TRPM3: variants seen among roughly 807,000 people sequenced by gnomAD.
TRPM3 encodes the protein transient receptor potential cation channel subfamily M member 3.
Under a neutral mutation model 181.2 loss-of-function variants are expected in TRPM3, and 77 were observed. The observed-to-expected ratio is 0.42, with a 90% confidence interval of 0.35 to 0.51. The LOEUF (loss-of-function observed/expected upper bound fraction) is 0.51, where lower values mean the gene tolerates loss of function less well. TRPM3 is among the 20% of genes least tolerant of loss of function. TRPM3 has a pLI of 0.01. For missense variants in TRPM3, 1,759 were observed against 2,196.7 expected (o/e 0.80, Z 3.98); for synonymous variants, 745 against 796.4 (o/e 0.94, Z 1.09).
chr9:71,189,811 C>G (rs1023837118), intron 1 of TRPM3, among the ~76,000 whole-genome samples: 2 of 151,838 alleles, frequency 1.3e-5, no homozygotes, highest in African/African-American at 4.8e-5. Flanking sequence ...ATTTGTGTAT[C>G]TGTCCCCATC....
chr9:71,124,566 CT>C (rs1262452623), upstream of TRPM3, among the ~76,000 whole-genome samples: 7 of 152,168 alleles, frequency 4.6e-5, no homozygotes. Flanking sequence ...GAAAAGCCCA[CT>C]TTCCACTGAT....
chr9:71,421,011 G>GAGAGAGAAAAAGAGAGAAAA lies in TRPM3; in HGVS notation c.183+25641_183+25642insTTTTCTCTCTTTTTCTCTCT, dbSNP rs1563912818. Among the ~76,000 whole-genome samples the GAGAGAGAAAAAGAGAGAAAA allele has an allele frequency of 6.8e-4, 80 of 118,316 alleles. 1 individual carries two copies. The highest frequency in any genetic ancestry group is 2.4e-3 in the African/African-American group (79 of 33,136). The allele number at this position is 118,316 out of a possible 152,430, so 77.6% of individuals were successfully genotyped here. A position where few individuals can be genotyped will look rare whatever the true frequency, so the allele number is the denominator to read the frequency against. ...AAAGAGAGAGAAAAAGAGAGAAAAA[G>GAGAGAGAAAAAGAGAGAAAA]AGAGAAAAAGAGAGAAAAAGAAAAA... On this transcript the variant is annotated intron_variant, in intron 1 of 24. Coordinates refer to the TRPM3 transcript ENST00000357533.
rs146988268 is a variant in TRPM3, at chr9:70,921,098, A to G, written c.178-56587T>C. Among the ~76,000 whole-genome samples the G allele has an allele frequency of 2.5e-3, 382 of 152,298 alleles. 1 individual carries two copies. The highest frequency in any genetic ancestry group is 8.9e-3 in the African/African-American group (370 of 41,568). On this transcript the variant is annotated intron_variant, in intron 1 of 25. Transcript: ENST00000677713. ...TTTTGGTTAACAAGCAGATTCATTT[A>G]TCTCATGCTCACGTCCTCTTCATTC...
chr9:70,883,327 G>C (rs1169709703), intron 1 of TRPM3, among the ~76,000 whole-genome samples: 1 of 152,126 alleles, frequency 6.6e-6, no homozygotes, highest in Admixed American at 6.5e-5. Flanking sequence ...TCTGAAATTT[G>C]AACTTAGAAA....
At chr9:71,094,464 T>G (rs2066766729) in intron 1 of TRPM3, among the ~76,000 whole-genome samples, 1 of 152,274 alleles carries the variant, frequency 6.6e-6, no homozygotes, top group African/African-American at 2.4e-5. Context: ...TTCTCTCGAC[T>G]GCTTCTCTAC....
At chr9:71,159,290 T>C (rs1361906313) in intron 1 of TRPM3, among the ~76,000 whole-genome samples, 2 of 151,976 alleles carry the variant, frequency 1.3e-5, no homozygotes, top group Admixed American at 6.6e-5. Context: ...CAGTGTAGTA[T>C]AAACAGTATT....
intron 22 of TRPM3, among the ~76,000 whole-genome samples, chr9:70,587,698 C>T (rs1254379081): frequency 2.6e-5 from 4 of 152,178 alleles, no homozygotes; most frequent in African/African-American, 9.7e-5. Context: ...TGAGACTACC[C>T]AAAAGGGTGT....
At chr9:71,393,592 T>G (rs2093117035) in intron 1 of TRPM3, among the ~76,000 whole-genome samples, 1 of 152,202 alleles carries the variant, frequency 6.6e-6, no homozygotes, top group South Asian at 2.1e-4. Flanking sequence ...CAGTCGTGTC[T>G]GCAAAGAGAC....
chr9:70,564,762 C>T (rs560659974), intron 22 of TRPM3, among the ~76,000 whole-genome samples: 2 of 152,238 alleles, frequency 1.3e-5, no homozygotes, highest in South Asian at 4.1e-4. Flanking sequence ...CTTGTCGACT[C>T]CCATTGCATT....
chr9:71,228,415 G>A (rs12336928), intron 1 of TRPM3, among the ~76,000 whole-genome samples: 6,218 of 151,986 alleles, frequency 0.041, 448 homozygotes, highest in African/African-American at 0.14. Context: ...GATCTGGAAC[G>A]TGACAAAGAT....
chr9:70,792,885 G>GA (rs903090407), intron 6 of TRPM3, among the ~76,000 whole-genome samples: 3 of 151,640 alleles, frequency 2.0e-5, no homozygotes, highest in African/African-American at 4.8e-5. Flanking sequence ...TAATAAGAGA[G>GA]AAAAAAATTC....
At chr9:70,565,319 G>A (rs1383371579) in intron 22 of TRPM3, among the ~76,000 whole-genome samples, 2 of 151,972 alleles carry the variant, frequency 1.3e-5, no homozygotes, top group East Asian at 3.9e-4. Flanking sequence ...TTGAGACAGA[G>A]TTTTGCTCTT....
intron 1 of TRPM3, among the ~76,000 whole-genome samples, chr9:71,429,948 T>C (rs1382869062): frequency 6.6e-6 from 1 of 152,194 alleles, no homozygotes; most frequent in Non-Finnish European, 1.5e-5. Context: ...AGTATCTCCA[T>C]GGCTTGCTCC....
chr9:70,801,452 A>C (rs1330786952), intron 6 of TRPM3, among the ~76,000 whole-genome samples: 1 of 152,216 alleles, frequency 6.6e-6, no homozygotes, highest in Middle Eastern at 3.2e-3. Context: ...AGCAAAGGAA[A>C]ACAGCAGCAA....
At chr9:71,324,281 A>G (rs1304377344) in intron 1 of TRPM3, among the ~76,000 whole-genome samples, 1 of 152,188 alleles carries the variant, frequency 6.6e-6, no homozygotes. Flanking sequence ...AGAAAAATAT[A>G]TAAATGAAAG....
intron 1 of TRPM3, among the ~76,000 whole-genome samples, chr9:71,087,470 T>A (rs1474588735): frequency 6.6e-6 from 1 of 152,070 alleles, no homozygotes; most frequent in African/African-American, 2.4e-5. Context: ...CCTTTTATTT[T>A]TAAAAAATTA....
intron 1 of TRPM3, among the ~76,000 whole-genome samples, chr9:71,326,818 A>G (rs540311457): frequency 1.3e-5 from 2 of 152,160 alleles, no homozygotes; most frequent in East Asian, 3.9e-4. Context: ...CCTTCTCACA[A>G]TCTCCTCTAA....
At chr9:71,371,691 A>C (rs770652898) in intron 1 of TRPM3, among the ~76,000 whole-genome samples, 7 of 152,238 alleles carry the variant, frequency 4.6e-5, no homozygotes, top group Non-Finnish European at 1.0e-4. Context: ...CTTAGTTGGT[A>C]AAGCAGAGGC....
chr9:70,973,931 A>G (rs2133947552), intron 1 of TRPM3, among the ~76,000 whole-genome samples: 1 of 152,330 alleles, frequency 6.6e-6, no homozygotes, highest in East Asian at 1.9e-4. Context: ...GTCTAAAAGG[A>G]CAATCTTCCT....
Sources: gnomAD v4.1 joint callset for allele counts (sites outside exome capture counted in the v4.1 genomes callset) on GRCh38, gnomAD v4.1.1 for gene constraint, MANE v1.5 for transcripts, NCBI Gene and HGNC (gene_info 2026-07-23, HGNC 2026-07-21) for gene names.